PCDHA8: variants seen among roughly 807,000 people sequenced by gnomAD.
The protein encoded by PCDHA8 is protocadherin alpha-8.
In PCDHA8, 53 loss-of-function variants were observed where a neutral mutation model predicts 61.8. The ratio of observed to expected loss-of-function variants is 0.86; its 90% CI spans 0.69 to 1.08. The LOEUF is 1.08. PCDHA8 is among the 50% of genes least tolerant of loss of function. The pLI is 0.00. For missense variants in PCDHA8, 1,293 were observed against 1,245.0 expected, an observed-to-expected ratio of 1.04 and a Z score of -0.58; for synonymous variants, 618 against 556.6, an observed-to-expected ratio of 1.11 and a Z score of -1.55.
intron 1 of PCDHA8, chr5:140,858,650 T>A (rs1581517795): frequency 6.1e-6 from 5 of 822,646 alleles, no homozygotes; most frequent in Admixed American, 3.2e-5. Context: ...GGTACTTAAA[T>A]TTTTTTAAAT....
At chr5:140,876,810 C>A in intron 1 of PCDHA8, 2 of 1,614,154 alleles carry the variant, frequency 1.2e-6, no homozygotes, top group Non-Finnish European at 1.7e-6. Flanking sequence ...TGGAGGTGGC[C>A]GACGTGAACG....
intron 1 of PCDHA8, among the ~76,000 whole-genome samples, chr5:140,892,375 A>G (rs1032467069): frequency 1.3e-5 from 2 of 152,226 alleles, no homozygotes; most frequent in African/African-American, 4.8e-5. Flanking sequence ...GGCACTAGCA[A>G]TCATGGGTAA....
chr5:140,973,148 T>G (rs2096574239), intron 1 of PCDHA8, among the ~76,000 whole-genome samples: 1 of 152,210 alleles, frequency 6.6e-6, no homozygotes, highest in Non-Finnish European at 1.5e-5. Context: ...TTCACTTATT[T>G]TAAAGCAATT....
chr5:140,893,467 A>G (rs2064001411), intron 1 of PCDHA8, among the ~76,000 whole-genome samples: 1 of 152,186 alleles, frequency 6.6e-6, no homozygotes, highest in Non-Finnish European at 1.5e-5. Context: ...AGCCTGGGCA[A>G]CATAGCAAGA....
At chr5:140,947,771 T>A (rs1167163964) in intron 1 of PCDHA8, among the ~76,000 whole-genome samples, 1 of 151,706 alleles carries the variant, frequency 6.6e-6, no homozygotes, top group Non-Finnish European at 1.5e-5. Flanking sequence ...AAAATTCTAT[T>A]GTAAATGGAT....
chr5:140,992,377 A>T (rs1258714441), intron 3 of PCDHA8, among the ~76,000 whole-genome samples: 1 of 152,150 alleles, frequency 6.6e-6, no homozygotes, highest in African/African-American at 2.4e-5. Flanking sequence ...CCATTACATT[A>T]TTGTGTTCTG....
At chr5:140,915,557 T>G (rs909593732) in intron 1 of PCDHA8, among the ~76,000 whole-genome samples, 1 of 152,102 alleles carries the variant, frequency 6.6e-6, no homozygotes, top group African/African-American at 2.4e-5. Flanking sequence ...AGATCCAGAA[T>G]GATTATCTGG....
At chr5:140,882,112 C>T (rs1399071152) in intron 1 of PCDHA8, 2 of 1,384,570 alleles carry the variant, frequency 1.4e-6, no homozygotes, top group Non-Finnish European at 1.9e-6. Flanking sequence ...CGAAGAAAGC[C>T]GCCGTTTCTT....
intron 1 of PCDHA8, chr5:140,926,929 G>A (rs1554203825): frequency 6.3e-7 from 1 of 1,575,722 alleles, no homozygotes; most frequent in South Asian, 1.2e-5. Flanking sequence ...ATGTTTGTGG[G>A]TTTCCTGCGG....
In PCDHA8 at chr5:140,969,339, A is replaced by G. The variant is rs1563390643; in HGVS notation, c.2395-9610A>G. On this transcript the variant is annotated intron_variant, in intron 1 of 3. Transcript: ENST00000531613. ...GCTGTTTCTCAAAATGAGGTGAGAC[A>G]GTGGTCAGGGGGTCTTCTACAAACT... 5 of 1,613,830 alleles carry G rather than the reference A, an allele frequency of 3.1e-6. No homozygotes were observed. The South Asian group carries it at 4.4e-5, about 14-fold the overall frequency.
chr5:140,853,149 G>C, intron 1 of PCDHA8: 1 of 844,586 alleles, frequency 1.2e-6, no homozygotes, highest in Non-Finnish European at 1.5e-6. Flanking sequence ...AAAATGCTGG[G>C]ATTACAGGCG....
chr5:140,966,330 G>A, intron 1 of PCDHA8: 2 of 393,050 alleles, frequency 5.1e-6, no homozygotes, highest in Non-Finnish European at 9.0e-6. Context: ...CTGGGATCCG[G>A]CAGGTCCAGG....
intron 3 of PCDHA8, among the ~76,000 whole-genome samples, chr5:141,000,412 TATATA>T (rs2097919858): frequency 7.8e-5 from 8 of 102,770 alleles, no homozygotes; most frequent in African/African-American, 2.3e-4. Flanking sequence ...TATATATATA[TATATA>T]TATATTTTTT....
chr5:140,939,054 G>C (rs1304220594), intron 1 of PCDHA8, among the ~76,000 whole-genome samples: 1 of 152,112 alleles, frequency 6.6e-6, no homozygotes, highest in East Asian at 1.9e-4. Flanking sequence ...GTCCATTTGG[G>C]CTGCTATATC....
At position 140,869,505 on chromosome 5, in the gene PCDHA8, G is replaced by A. The variant is rs376431150; in HGVS notation, c.2394+25790G>A. On this transcript the variant is annotated intron_variant, in intron 1 of 3. Coordinates refer to ENST00000531613, the MANE Select transcript of PCDHA8 (RefSeq NM_018911.3). ...TTAACGACAACCCGCCGGTGTTCTCGCTCAGAGAACAAAAGCTGCTGATTG... is the reference window on the plus strand; with the variant it reads ...TTAACGACAACCCGCCGGTGTTCTCACTCAGAGAACAAAAGCTGCTGATTG... 89 of 1,614,192 alleles carry A rather than the reference G, an allele frequency of 5.5e-5. No individual in the cohort carries two copies. In the African/African-American group the frequency reaches 1.1e-3, roughly 19 times the overall value.
chr5:140,971,799 TTA>T (rs1435483264), intron 1 of PCDHA8, among the ~76,000 whole-genome samples: 2 of 152,164 alleles, frequency 1.3e-5, no homozygotes, highest in East Asian at 3.8e-4. Flanking sequence ...ATATTGAATA[TTA>T]TAATATTGAA....
rs75377875 is a variant in PCDHA8 at position 140,902,598 on chromosome 5, C to T, written c.2394+58883C>T. The stretch of plus-strand genomic sequence containing the variant: ...ATTTCAATAGTTTTGGGAAACAGGT[C>T]GTTTTCAGTTACATGGGTAAGTTAT... On this transcript the variant is annotated intron_variant, in intron 1 of 3. Coordinates refer to ENST00000531613, the MANE Select transcript of PCDHA8 (RefSeq NM_018911.3). Among the ~76,000 whole-genome samples, 274 of 152,044 alleles carry T rather than the reference C, an allele frequency of 1.8e-3. 4 individuals are homozygous for T. In the East Asian group the frequency reaches 0.048, roughly 27 times the overall value.
chr5:140,877,689 G>A (rs1554169989), intron 1 of PCDHA8: 2 of 1,613,914 alleles, frequency 1.2e-6, no homozygotes, highest in Non-Finnish European at 8.5e-7. Flanking sequence ...AGCCCACGCT[G>A]GTGTGCTCCA....
intron 1 of PCDHA8, chr5:140,870,967 C>T (rs782808360): frequency 1.9e-6 from 3 of 1,613,648 alleles, no homozygotes; most frequent in Admixed American, 1.7e-5. Context: ...CATCCCGTTC[C>T]GCGTGGGGCT....
Sources: gnomAD v4.1 joint callset for allele counts (sites outside exome capture counted in the v4.1 genomes callset) on GRCh38, gnomAD v4.1.1 for gene constraint, MANE v1.5 for transcripts, NCBI Gene and HGNC (gene_info 2026-07-23, HGNC 2026-07-21) for gene names.